The following SMARCA1 variants were observed in gnomAD, a reference collection of about 807,000 sequenced individuals.
SMARCA1 encodes the protein SNF2 related chromatin remodeling ATPase 1.
A neutral mutation model predicts 93.6 loss-of-function variants in SMARCA1; 17 were observed. The observed-to-expected ratio is 0.18, with a 90% CI of 0.12 to 0.27. SMARCA1 has a LOEUF of 0.27. Ranked by LOEUF, SMARCA1 falls within the 10% of genes least tolerant of loss-of-function variation. The pLI is 1.00. For missense variants in SMARCA1, 630 were observed against 819.0 expected (o/e 0.77, Z 2.82); for synonymous variants, 271 against 271.4 (o/e 1.00, Z 0.01).
chrX:129,471,390 T>A (rs1325802129), intron 19 of SMARCA1, 64 bp from the exon 20 acceptor site: 3 of 723,657 alleles, frequency 4.1e-6, no homozygotes. Flanking sequence ...AGGCTGTATA[T>A]ACACATATCA....
intron 21 of SMARCA1, among the ~76,000 whole-genome samples, chrX:129,466,540 A>G (rs1330539561): frequency 9.0e-6 from 1 of 110,820 alleles, no homozygotes; most frequent in Non-Finnish European, 1.9e-5. Context: ...CTGTAATCGC[A>G]GCTACTCGGG....
chrX:129,480,601 A>G (rs1018195664), intron 19 of SMARCA1, 100 bp downstream of exon 19: 1 of 329,203 alleles, frequency 3.0e-6, no homozygotes, highest in African/African-American at 2.7e-5. Context: ...TTGCTGTCAC[A>G]TTCTCTCAAA....
intron 19 of SMARCA1, among the ~76,000 whole-genome samples, chrX:129,478,816 T>C (rs1162681206): frequency 8.9e-6 from 1 of 111,934 alleles, no homozygotes; most frequent in East Asian, 2.8e-4. Context: ...AACTCCCAAA[T>C]GTCATGCCAC....
intron 13 of SMARCA1, among the ~76,000 whole-genome samples, chrX:129,492,633 G>T (rs1356407092): frequency 9.0e-6 from 1 of 110,912 alleles, no homozygotes; most frequent in Non-Finnish European, 1.9e-5. Flanking sequence ...CAAGGAACAA[G>T]CAGGTAAGTA....
At chrX:129,511,680 T>C in intron 6 of SMARCA1, 124 bp downstream of exon 6, 2 of 490,148 alleles carry the variant, frequency 4.1e-6, no homozygotes, top group Non-Finnish European at 6.8e-6. Flanking sequence ...TAGCTTAGAG[T>C]ACATACACCT....
At position 129,480,818 on chromosome X, in the gene SMARCA1, T is replaced by C. The variant is rs777522322; in HGVS notation, c.2329-4A>G. ...GCTGTTTTGGAGGCCGTGGAGCCTATGAGGGAGGAAAATGTATTATATATA... is the reference window on the plus strand; with the variant it reads ...GCTGTTTTGGAGGCCGTGGAGCCTACGAGGGAGGAAAATGTATTATATATA... On this transcript the variant is annotated splice_polypyrimidine_tract_variant and splice_region_variant and intron_variant, in intron 18 of 24. Coordinates refer to ENST00000371121, the MANE Select transcript of SMARCA1 (RefSeq NM_001282874.2). 1.2e-5 allele frequency: 13 copies of C among 1,082,410 alleles called. No homozygotes were observed. Among genetic ancestry groups the C allele is most frequent in the Non-Finnish European group, 1.5e-5 (12 of 802,031 alleles). The allele number at this position is 1,082,410 out of a possible 1,213,427, so 89.2% of individuals were successfully genotyped here. A position where few individuals can be genotyped will look rare whatever the true frequency, so the allele number is the denominator to read the frequency against.
At chrX:129,488,824 A>G in intron 16 of SMARCA1, 113 bp downstream of exon 16, 1 of 481,673 alleles carries the variant, frequency 2.1e-6, no homozygotes, top group Non-Finnish European at 3.4e-6. Flanking sequence ...AATATGAGCT[A>G]CCTGAAACAT....
chrX:129,456,015 G>A (rs1299193911), intron 23 of SMARCA1, among the ~76,000 whole-genome samples: 1 of 112,105 alleles, frequency 8.9e-6, no homozygotes, highest in Admixed American at 9.5e-5. Flanking sequence ...AGAAGAAGAT[G>A]CCATCTAGGA....
At position 129,506,081 on chromosome X, in the gene SMARCA1, T is replaced by A; in HGVS notation, c.1097A>T (p.Asp366Val). ...FLLPDVFNSADDFDSWFDTKN... is the reference protein window; with the variant it reads ...FLLPDVFNSAVDFDSWFDTKN... ...TTAAAACGTATGGCTTAAACTTACA[T>A]CTGCAGAATTAAAGACATCAGGCAA... is the stretch of plus-strand genomic sequence containing the variant. The change falls in exon 8 of 25, where the codon GAT becomes GTT. Residue 366 changes from aspartate to valine, a missense_variant and splice_region_variant. By Grantham distance (152) the Asp-to-Val change is radical. Transcript: ENST00000371121. 8.4e-7 allele frequency: 1 copy of A among 1,189,398 alleles called. No homozygotes were observed. Among genetic ancestry groups the A allele is most frequent in the Non-Finnish European group, 1.1e-6 (1 of 878,713 alleles).
chrX:129,461,295 A>C (rs1357012324), intron 23 of SMARCA1, among the ~76,000 whole-genome samples: 2 of 111,914 alleles, frequency 1.8e-5, no homozygotes, highest in African/African-American at 6.5e-5. Flanking sequence ...CCCTGCAAAT[A>C]ATGCAATAAA....
chrX:129,450,243 C>G (rs1932222928), intron 23 of SMARCA1, among the ~76,000 whole-genome samples: 1 of 111,790 alleles, frequency 8.9e-6, no homozygotes, highest in Non-Finnish European at 1.9e-5. Flanking sequence ...CATCAAAGCT[C>G]TCCCTTTCTC....
chrX:129,483,000 C>A (rs1933749975), intron 17 of SMARCA1, among the ~76,000 whole-genome samples: 1 of 111,826 alleles, frequency 8.9e-6, no homozygotes, highest in Non-Finnish European at 1.9e-5. Context: ...GAAGTAATGA[C>A]TAAAGACAGA....
rs768353201 is a variant in SMARCA1 at position 129,468,792 on chromosome X, C to T, written c.2679G>A (p.Glu893=). The part of the protein sequence containing the change: ...IAREVEGKSP[E]EVMEYSAVFW... ...ACAAACCTGAATACTCCATGACCTCCTCAGGGGATTTGCCCTCTACCTCTC... is the reference window on the plus strand; with the variant it reads ...ACAAACCTGAATACTCCATGACCTCTTCAGGGGATTTGCCCTCTACCTCTC... Residue 893 remains glutamate, a synonymous_variant, in exon 21 of 25, where the codon GAG becomes GAA. Coordinates refer to ENST00000371121, the MANE Select transcript of SMARCA1 (RefSeq NM_001282874.2). 1 of 1,190,443 alleles carries T rather than the reference C, an allele frequency of 8.4e-7. No homozygotes were observed. Among genetic ancestry groups the T allele is most frequent in the East Asian group, 3.0e-5 (1 of 33,516 alleles).
intron 19 of SMARCA1, among the ~76,000 whole-genome samples, chrX:129,473,312 G>C (rs1417126532): frequency 9.0e-6 from 1 of 111,456 alleles, no homozygotes; most frequent in Non-Finnish European, 1.9e-5. Context: ...TGATCATCTG[G>C]ACTAGGATGG....
At position 129,511,986 on chromosome X, in the gene SMARCA1, G is replaced by A; in HGVS notation, c.631-3C>T. 8.6e-7 allele frequency: 1 copy of A among 1,164,851 alleles called. No individual in the cohort carries two copies. ...GTTTGTAAAGTTTTCCCAAGGCCCT[G>A]CATTATCATCACAAGGAAAAAAATC... On this transcript the variant is annotated splice_polypyrimidine_tract_variant and splice_region_variant and intron_variant, in intron 5 of 24. Transcript: ENST00000371121.
rs1239277407 is a variant in SMARCA1, at chrX:129,447,015, G to T, written c.*147C>A. The T allele has an allele frequency of 2.2e-6, 1 of 455,636 alleles. No homozygotes were observed. Among genetic ancestry groups the T allele is most frequent in the Non-Finnish European group, 3.7e-6 (1 of 272,423 alleles). 37.5% of individuals were successfully genotyped at this position (455,636 alleles called of 1,213,427 possible). ...TAAAGCTACACATTTCAGGTAGAAA[G>T]CATTGTAAAATATATAAAATATGCA... On this transcript the variant is annotated 3_prime_UTR_variant, in exon 25 of 25. Coordinates refer to ENST00000371121, the MANE Select transcript of SMARCA1 (RefSeq NM_001282874.2).
chrX:129,520,368 T>C (rs1935346984), intron 1 of SMARCA1, among the ~76,000 whole-genome samples: 2 of 110,728 alleles, frequency 1.8e-5, no homozygotes, highest in Non-Finnish European at 3.8e-5. Context: ...AATCCAACCG[T>C]CACTTAAACC....
At chrX:129,519,985 T>C (rs1935329644) in intron 1 of SMARCA1, among the ~76,000 whole-genome samples, 1 of 111,224 alleles carries the variant, frequency 9.0e-6, no homozygotes. Flanking sequence ...CATTACTTTT[T>C]TGCTTACCTT....
At chrX:129,476,624 G>C (rs770675578) in intron 19 of SMARCA1, among the ~76,000 whole-genome samples, 12 of 111,581 alleles carry the variant, frequency 1.1e-4, no homozygotes, top group African/African-American at 3.6e-4. Context: ...GCAGAAAAGG[G>C]GGAAAGAGTC....
Sources: allele counts gnomAD v4.1 joint callset (sites outside exome capture counted in the v4.1 genomes callset), GRCh38; gene constraint gnomAD v4.1.1; transcripts MANE v1.5; gene names NCBI Gene and HGNC (gene_info 2026-07-23, HGNC 2026-07-21).